The following SMAD6 variants were observed in gnomAD, a reference collection of about 807,000 sequenced individuals.
SMAD6 encodes the protein MAD homolog 6.
Under a neutral mutation model 39.4 loss-of-function variants are expected in SMAD6, and 103 were observed. The ratio of observed to expected loss-of-function variants is 2.62; its 90% CI spans 2.23 to 3.08. The LOEUF is 3.08. Among genes scored for constraint, SMAD6 ranks in the 30% most tolerant of loss-of-function variants. The pLI, the probability that SMAD6 is intolerant of heterozygous loss-of-function variation, is 0.00. For missense variants in SMAD6, 1,104 were observed against 742.9 expected (o/e 1.49, Z -5.65); for synonymous variants, 445 against 353.3 (o/e 1.26, Z -2.91).
Position 66,711,651 on chromosome 15 carries a change from T to C in SMAD6, c.818-17T>C. 6.2e-7 allele frequency: 1 copy of C among 1,609,558 alleles called. No individual in the cohort carries two copies. The highest frequency in any genetic ancestry group is 8.5e-7 in the Non-Finnish European group (1 of 1,175,848). ...CTCCCCAACCCTGGCAGTGACATGC[T>C]GTCTCCTGTCTTCCAGAATCTCCGC... On this transcript the variant is annotated splice_polypyrimidine_tract_variant and intron_variant, in intron 1 of 3. Coordinates refer to ENST00000288840, the MANE Select transcript of SMAD6 (RefSeq NM_005585.5).
chr15:66,703,225 C>T lies in SMAD6; in HGVS notation c.-34C>T. ...ACGGACCCCCGGTAACCGGAGACCG[C>T]CTCCCCCCCACCCCTGGCGCCAAAG... On this transcript the variant is annotated 5_prime_UTR_variant, in exon 1 of 4. Transcript: ENST00000288840. 7.5e-7 allele frequency: 1 copy of T among 1,340,714 alleles called. No individual in the cohort carries two copies. The highest frequency in any genetic ancestry group is 9.7e-7 in the Non-Finnish European group (1 of 1,036,054). 83.1% of individuals were successfully genotyped at this position (1,340,714 alleles called of 1,614,324 possible).
At chr15:66,732,559 G>T (rs1893648579) in intron 3 of SMAD6, among the ~76,000 whole-genome samples, 1 of 152,040 alleles carries the variant, frequency 6.6e-6, no homozygotes, top group African/African-American at 2.4e-5. Flanking sequence ...ACAGAGTCTT[G>T]CTATGTTGCC....
Position 66,703,786 on chromosome 15 carries a change from G to T in SMAD6, c.528G>T (p.Thr176=). The change falls in exon 1 of 4, where the codon ACG becomes ACT. Residue 176 remains threonine, a synonymous_variant. Coordinates refer to ENST00000288840, the MANE Select transcript of SMAD6 (RefSeq NM_005585.5). ...LLLEQELKTV[T]YSLLKRLKER... ...TGGAGCAGGAACTCAAAACCGTCAC[G>T]TACTCGCTGCTGAAGCGGCTCAAGG... 6.9e-7 allele frequency: 1 copy of T among 1,440,582 alleles called. No homozygotes were observed. The highest frequency in any genetic ancestry group is 1.9e-4 in the Middle Eastern group (1 of 5,324). 89.2% of individuals were successfully genotyped at this position (1,440,582 alleles called of 1,614,324 possible).
At chr15:66,757,644 C>A (rs1894126317) in intron 3 of SMAD6, among the ~76,000 whole-genome samples, 1 of 152,160 alleles carries the variant, frequency 6.6e-6, no homozygotes, top group Admixed American at 6.5e-5. Context: ...CTCTGACACT[C>A]TGGGGAGGGA....
intron 2 of SMAD6, among the ~76,000 whole-genome samples, chr15:66,715,368 C>T (rs1056833769): frequency 6.6e-6 from 1 of 151,646 alleles, no homozygotes; most frequent in African/African-American, 2.4e-5. Flanking sequence ...ATAAAAAGTT[C>T]CTGCAGGATC....
intron 3 of SMAD6, among the ~76,000 whole-genome samples, chr15:66,753,382 C>G (rs973776554): frequency 3.3e-5 from 5 of 152,226 alleles, no homozygotes; most frequent in Non-Finnish European, 7.3e-5. Flanking sequence ...GGGCCATCTC[C>G]AAGGAGCCCC....
intron 3 of SMAD6, among the ~76,000 whole-genome samples, chr15:66,761,775 C>T (rs1194648924): frequency 1.3e-5 from 2 of 152,142 alleles, no homozygotes; most frequent in African/African-American, 2.4e-5. Context: ...CTTTAGATTC[C>T]CCTGGCTTCC....
chr15:66,762,859 G>A (rs1894224394), intron 3 of SMAD6, among the ~76,000 whole-genome samples: 1 of 152,026 alleles, frequency 6.6e-6, no homozygotes. Context: ...TCTTACAATA[G>A]CAATTTTTGA....
chr15:66,730,545 AC>A (rs1893608692), intron 3 of SMAD6, among the ~76,000 whole-genome samples: 1 of 152,168 alleles, frequency 6.6e-6, no homozygotes, highest in African/African-American at 2.4e-5. Flanking sequence ...TAACCAGGAA[AC>A]TGGTGGCCCT....
intron 1 of SMAD6, chr15:66,706,316 TC>T (rs1372346694): frequency 2.0e-5 from 3 of 152,208 alleles, no homozygotes; most frequent in Non-Finnish European, 4.4e-5. Flanking sequence ...CCCCTCCTTC[TC>T]CCAGAAGGAG....
intron 3 of SMAD6, among the ~76,000 whole-genome samples, chr15:66,778,877 G>A (rs1320583922): frequency 6.6e-6 from 1 of 152,234 alleles, no homozygotes; most frequent in East Asian, 1.9e-4. Context: ...CTCGTAGAAG[G>A]CACTCATGGA....
chr15:66,740,215 A>C (rs943058132), intron 3 of SMAD6, among the ~76,000 whole-genome samples: 4 of 152,188 alleles, frequency 2.6e-5, no homozygotes, highest in Admixed American at 2.6e-4. Context: ...TGGCTATGCT[A>C]CATCCTGCCC....
chr15:66,752,601 A>G, intron 3 of SMAD6, among the ~76,000 whole-genome samples: 1 of 151,992 alleles, frequency 6.6e-6, no homozygotes, highest in Admixed American at 6.6e-5. Flanking sequence ...ACTGGGCAAC[A>G]TAGTGAGGCC....
In SMAD6 at chr15:66,778,736, C is replaced by A. The variant is rs943044282; in HGVS notation, c.953-2261C>A. Reference sequence around the variant, plus strand: ...TATCTGGAGTGTGGAGAAGAGCTCCCCTCTAGAGTGTGGCCTAGCACCAAG... The same window carrying A: ...TATCTGGAGTGTGGAGAAGAGCTCCACTCTAGAGTGTGGCCTAGCACCAAG... On this transcript the variant is annotated intron_variant, in intron 3 of 3. Transcript: ENST00000288840. Among the ~76,000 whole-genome samples, 3 of 152,268 alleles carry A rather than the reference C, an allele frequency of 2.0e-5. No individual in the cohort carries two copies. The East Asian group carries it at 5.8e-4, about 29-fold the overall frequency.
chr15:66,730,186 C>T (rs1445762518), intron 3 of SMAD6, among the ~76,000 whole-genome samples: 4 of 152,174 alleles, frequency 2.6e-5, no homozygotes, highest in African/African-American at 7.2e-5. Context: ...GCCAAGGATG[C>T]GGATTGCCCA....
At chr15:66,715,786 G>A (rs934689600) in intron 2 of SMAD6, among the ~76,000 whole-genome samples, 1 of 148,914 alleles carries the variant, frequency 6.7e-6, no homozygotes, top group Non-Finnish European at 1.5e-5. Flanking sequence ...AAAAAAGAAC[G>A]CCTTAAAAAA....
chr15:66,779,978 G>T lies in SMAD6; in HGVS notation c.953-1019G>T, dbSNP rs117490063. On this transcript the variant is annotated intron_variant, in intron 3 of 3. Coordinates refer to ENST00000288840, the MANE Select transcript of SMAD6 (RefSeq NM_005585.5). Reference sequence around the variant, plus strand: ...CTGGCCTGTGTTGGTCTGAACTTTGGTCTCAGAAAATTGTTAAACTCCTCC... The same window carrying T: ...CTGGCCTGTGTTGGTCTGAACTTTGTTCTCAGAAAATTGTTAAACTCCTCC... 3.0e-4 allele frequency among the ~76,000 whole-genome samples: 46 copies of T among 152,320 alleles called. 1 individual carries two copies. In the East Asian group the frequency reaches 8.7e-3, roughly 29 times the overall value.
At chr15:66,740,027 A>G (rs1475382684) in intron 3 of SMAD6, among the ~76,000 whole-genome samples, 1 of 152,144 alleles carries the variant, frequency 6.6e-6, no homozygotes, top group East Asian at 1.9e-4. Flanking sequence ...TTCTTCATAA[A>G]CATTGTTTTT....
intron 3 of SMAD6, chr15:66,717,110 C>T (rs534423052): frequency 1.2e-4 from 149 of 1,288,552 alleles, no homozygotes; most frequent in Non-Finnish European, 1.4e-4. Context: ...CGGAGGAATA[C>T]CTGAATCAAA....
Sources: allele counts gnomAD v4.1 joint callset (sites outside exome capture counted in the v4.1 genomes callset), GRCh38; gene constraint gnomAD v4.1.1; transcripts MANE v1.5; gene names NCBI Gene and HGNC (gene_info 2026-07-23, HGNC 2026-07-21).